The following FAM13B variants were observed in gnomAD, a reference collection of about 807,000 sequenced individuals.
FAM13B encodes the protein protein FAM13B.
A neutral mutation model predicts 117.3 loss-of-function variants in FAM13B; 60 were observed. The observed-to-expected ratio is 0.51, with a 90% confidence interval of 0.42 to 0.63. The LOEUF is 0.63. Among genes scored for constraint, FAM13B ranks in the 30% least tolerant of loss-of-function variants. The pLI, the probability that FAM13B is intolerant of heterozygous loss-of-function variation, is 0.00. For synonymous variants in FAM13B, 332 were observed against 356.1 expected, an observed-to-expected ratio of 0.93 and a Z score of 0.76; for missense variants, 972 against 1,091.9, an observed-to-expected ratio of 0.89 and a Z score of 1.55.
chr5:138,024,048 G>C (rs1053206206), intron 1 of FAM13B, among the ~76,000 whole-genome samples: 2 of 152,116 alleles, frequency 1.3e-5, no homozygotes, highest in African/African-American at 4.8e-5. Flanking sequence ...CTGCAAAGTA[G>C]TTGACATTAT....
At chr5:138,000,204 C>T (rs1780865611) in intron 7 of FAM13B, among the ~76,000 whole-genome samples, 1 of 152,030 alleles carries the variant, frequency 6.6e-6, no homozygotes, top group Non-Finnish European at 1.5e-5. Context: ...TTGAGACTGG[C>T]CTGGGCAACG....
At chr5:138,009,607 C>T (rs937051515) in intron 6 of FAM13B, among the ~76,000 whole-genome samples, 1 of 151,950 alleles carries the variant, frequency 6.6e-6, no homozygotes, top group Non-Finnish European at 1.5e-5. Flanking sequence ...GAGTTCGAGA[C>T]GAGTCTGGCC....
chr5:137,988,321 A>G lies in FAM13B; in HGVS notation c.849-6T>C, dbSNP rs1246755094. 1.4e-5 allele frequency: 22 copies of G among 1,556,756 alleles called. No homozygotes were observed. Among genetic ancestry groups the G allele is most frequent in the Non-Finnish European group, 1.8e-5 (21 of 1,161,222 alleles). ...TGATGGGAGATATATGGGTGCTGCA[A>G]TCAAAGAAAGAAATTAGCTATAAAA... On this transcript the variant is annotated splice_region_variant and splice_polypyrimidine_tract_variant and intron_variant, in intron 7 of 23. Coordinates refer to ENST00000689681, the MANE Select transcript of FAM13B (RefSeq NM_001385994.1).
intron 23 of FAM13B, among the ~76,000 whole-genome samples, chr5:137,940,847 T>A (rs1761512917): frequency 6.6e-6 from 1 of 152,128 alleles, no homozygotes; most frequent in Non-Finnish European, 1.5e-5. Flanking sequence ...ATAAGCAAAA[T>A]TTTCTCCCAA....
At chr5:137,941,511 T>C (rs1377533551) in intron 23 of FAM13B, among the ~76,000 whole-genome samples, 1 of 152,170 alleles carries the variant, frequency 6.6e-6, no homozygotes, top group East Asian at 1.9e-4. Context: ...CCTGGCACAC[T>C]GTTAGACACC....
At chr5:138,026,938 CAAATAAATAAATAAATAAATAAAT>C (rs36001323) in intron 1 of FAM13B, among the ~76,000 whole-genome samples, 4 of 137,344 alleles carry the variant, frequency 2.9e-5, no homozygotes, top group Admixed American at 7.5e-5. Context: ...GACTCCATCT[CAAATAAATAAATAAATAAATAAAT>C]AAATAAATAA....
intron 7 of FAM13B, among the ~76,000 whole-genome samples, chr5:138,002,865 G>A (rs997368590): frequency 6.0e-5 from 9 of 149,332 alleles, no homozygotes; most frequent in African/African-American, 2.0e-4. Context: ...TAGTAGAGAC[G>A]GGGTTTCACC....
intron 10 of FAM13B, among the ~76,000 whole-genome samples, chr5:137,978,292 T>C (rs1774619851): frequency 6.6e-6 from 1 of 152,178 alleles, no homozygotes; most frequent in African/African-American, 2.4e-5. Context: ...GATTTGTATG[T>C]ATTTCCTTAG....
chr5:137,939,959 C>T lies in FAM13B; in HGVS notation c.*266G>A. ...CCAGTCTTTTGCTAAAAGGATGTAT[C>T]TGTAGTACAAAACAATGAAGTAAAC... On this transcript the variant is annotated 3_prime_UTR_variant, in exon 24 of 24. Coordinates refer to ENST00000689681, the MANE Select transcript of FAM13B (RefSeq NM_001385994.1). 1 of 1,480,044 alleles carries T rather than the reference C, an allele frequency of 6.8e-7. No individual in the cohort carries two copies. The highest frequency in any genetic ancestry group is 1.4e-5 in the African/African-American group (1 of 70,692). The allele number at this position is 1,480,044 out of a possible 1,614,324, so 91.7% of individuals were successfully genotyped here.
At chr5:138,017,010 C>G (rs910396947) in intron 4 of FAM13B, among the ~76,000 whole-genome samples, 1 of 151,870 alleles carries the variant, frequency 6.6e-6, no homozygotes, top group Non-Finnish European at 1.5e-5. Context: ...AAAATGGATT[C>G]AAAAATTCAA....
chr5:137,962,846 A>T (rs535058815), intron 10 of FAM13B, among the ~76,000 whole-genome samples: 3 of 152,096 alleles, frequency 2.0e-5, no homozygotes, highest in African/African-American at 2.4e-5. Flanking sequence ...TAGGTAAGAT[A>T]GGAGTCATAG....
chr5:137,961,892 C>T (rs1030282281), intron 11 of FAM13B, among the ~76,000 whole-genome samples: 2 of 152,100 alleles, frequency 1.3e-5, no homozygotes, highest in African/African-American at 2.4e-5. Flanking sequence ...CTACATTAGT[C>T]GAAATACTCA....
At position 137,963,663 on chromosome 5, in the gene FAM13B, C is replaced by T. The variant is rs118113757; in HGVS notation, c.1180-1194G>A. Among the ~76,000 whole-genome samples, 80 of 152,266 alleles carry T rather than the reference C, an allele frequency of 5.3e-4. 5 individuals are homozygous for T. In the East Asian group the frequency reaches 0.01, roughly 20 times the overall value. ...GTGTCCCCAACCCCTGGACCGGTAC[C>T]GATCGCTAGCCTGTTAAGAACCAGG... On this transcript the variant is annotated intron_variant, in intron 10 of 23. Transcript: ENST00000689681.
At chr5:138,049,077 AG>A (rs1323337941) in intron 1 of FAM13B, among the ~76,000 whole-genome samples, 1 of 149,902 alleles carries the variant, frequency 6.7e-6, no homozygotes, top group Non-Finnish European at 1.5e-5. Context: ...GACTAGCTGG[AG>A]TTACAGGCGT....
intron 1 of FAM13B, among the ~76,000 whole-genome samples, chr5:138,024,049 T>C (rs1787513933): frequency 6.6e-6 from 1 of 152,150 alleles, no homozygotes; most frequent in Non-Finnish European, 1.5e-5. Context: ...TGCAAAGTAG[T>C]TGACATTATT....
chr5:138,009,257 C>G (rs1185630551), intron 6 of FAM13B, among the ~76,000 whole-genome samples: 1 of 152,186 alleles, frequency 6.6e-6, no homozygotes, highest in Non-Finnish European at 1.5e-5. Flanking sequence ...CCTAGTCTAT[C>G]CCACATCATG....
chr5:137,956,555 A>C lies in FAM13B; in HGVS notation c.1442-13T>G. On this transcript the variant is annotated splice_polypyrimidine_tract_variant and intron_variant, in intron 13 of 23. Transcript: ENST00000689681. ...ATAGGGCATGACGCTAATAAAATGGAAAAAATGGCAAAAAATACTAAAGTG... is the reference window on the plus strand; with the variant it reads ...ATAGGGCATGACGCTAATAAAATGGCAAAAATGGCAAAAAATACTAAAGTG... The C allele has an allele frequency of 6.4e-6, 10 of 1,565,526 alleles. No homozygotes were observed. Among genetic ancestry groups the C allele is most frequent in the Non-Finnish European group, 8.7e-6 (10 of 1,151,726 alleles).
chr5:138,043,554 C>T (rs1314546816), intron 1 of FAM13B, among the ~76,000 whole-genome samples: 5 of 151,682 alleles, frequency 3.3e-5, no homozygotes, highest in Non-Finnish European at 5.9e-5. Flanking sequence ...ATTCCCCTGC[C>T]TCAGCCTCCC....
chr5:137,949,062 T>C lies in FAM13B; in HGVS notation c.2053A>G (p.Lys685Glu), dbSNP rs774539229. The change falls in exon 18 of 24, where the codon AAG becomes GAG. Residue 685 changes from lysine (K) to glutamate (E), a missense_variant. By Grantham distance (56) the Lys-to-Glu change is moderately conservative. Coordinates refer to ENST00000689681, the MANE Select transcript of FAM13B (RefSeq NM_001385994.1). ...HEDEENEDEP[K>E]VIQKEKKPSK... ...GGTTTTTTCTCCTTCTGAATGACCTTGGGTTCATCTTCATTCTCTTCATCT... is the reference window on the plus strand; with the variant it reads ...GGTTTTTTCTCCTTCTGAATGACCTCGGGTTCATCTTCATTCTCTTCATCT... 2 of 1,614,088 alleles carry C rather than the reference T, an allele frequency of 1.2e-6. No homozygotes were observed. The highest frequency in any genetic ancestry group is 1.7e-5 in the Admixed American group (1 of 60,024).
Sources: gnomAD v4.1 joint callset for allele counts (sites outside exome capture counted in the v4.1 genomes callset) on GRCh38, gnomAD v4.1.1 for gene constraint, MANE v1.5 for transcripts, NCBI Gene and HGNC (gene_info 2026-07-23, HGNC 2026-07-21) for gene names.